RAB38: variants seen among roughly 807,000 people sequenced by gnomAD.
RAB38 encodes ras-related protein Rab-38.
A neutral mutation model predicts 18.4 loss-of-function variants in RAB38; 15 were observed. That is an observed-to-expected ratio of 0.82 (90% CI 0.55 to 1.26). The LOEUF (loss-of-function observed/expected upper bound fraction) is 1.26. RAB38 is among the 50% of genes most tolerant of loss of function. The pLI, the probability that RAB38 is intolerant of heterozygous loss-of-function variation, is 0.00. For missense variants in RAB38, 294 were observed against 267.4 expected (o/e 1.10, Z -0.69); for synonymous variants, 101 against 104.4 (o/e 0.97, Z 0.20).
the RAB38 span, among the ~76,000 whole-genome samples, chr11:87,874,147 AT>A: frequency 1.3e-5 from 2 of 150,918 alleles, no homozygotes; most frequent in African/African-American, 4.9e-5. Context: ...TCATAGAGAA[AT>A]TTTTTTATGT....
At chr11:88,026,530 T>C in the RAB38 span, among the ~76,000 whole-genome samples, 1 of 120,978 alleles carries the variant, frequency 8.3e-6, no homozygotes, top group Non-Finnish European at 1.6e-5. Context: ...TCCACTGCAC[T>C]CCAGCCTGGG....
At chr11:87,971,005 A>G in the RAB38 span, among the ~76,000 whole-genome samples, 4 of 152,230 alleles carry the variant, frequency 2.6e-5, no homozygotes, top group South Asian at 8.3e-4. Flanking sequence ...GAGGATAGGA[A>G]GTCATGACTG....
the RAB38 span, among the ~76,000 whole-genome samples, chr11:88,027,845 G>A: frequency 6.6e-6 from 1 of 152,064 alleles, no homozygotes; most frequent in Non-Finnish European, 1.5e-5. Context: ...AGACTTAAAT[G>A]TCCCTGTCTG....
At chr11:87,847,298 T>A in the RAB38 span, among the ~76,000 whole-genome samples, 17 of 152,168 alleles carry the variant, frequency 1.1e-4, no homozygotes, top group Middle Eastern at 3.5e-3. Context: ...GTATCAGTAA[T>A]GAATGCTTAA....
At chr11:88,015,490 A>G in the RAB38 span, among the ~76,000 whole-genome samples, 1 of 152,162 alleles carries the variant, frequency 6.6e-6, no homozygotes, top group Non-Finnish European at 1.5e-5. Context: ...TAAAGCACCT[A>G]TCACATAATA....
intron 2 of RAB38, among the ~76,000 whole-genome samples, chr11:88,126,704 A>AAT (rs1942699595): frequency 2.8e-4 from 1 of 3,582 alleles, no homozygotes; most frequent in Non-Finnish European, 1.1e-3. Context: ...GTATAATAAT[A>AAT]AAAAAAAAAA....
At chr11:88,120,776 G>C (rs960497431) in intron 2 of RAB38, among the ~76,000 whole-genome samples, 1 of 151,984 alleles carries the variant, frequency 6.6e-6, no homozygotes, top group Non-Finnish European at 1.5e-5. Context: ...TGTAGCTCTA[G>C]AGCCTTATAC....
chr11:88,086,557 T>C, the RAB38 span, among the ~76,000 whole-genome samples: 1 of 151,944 alleles, frequency 6.6e-6, no homozygotes, highest in East Asian at 1.9e-4. Flanking sequence ...CATTGAACCT[T>C]TTCAAAGAGC....
the RAB38 span, among the ~76,000 whole-genome samples, chr11:88,085,113 G>A: frequency 4.8e-3 from 736 of 151,962 alleles, 4 homozygotes; most frequent in African/African-American, 0.017. Context: ...ACTAGAACCT[G>A]GAGAAACAAA....
the RAB38 span, chr11:87,815,779 G>T: frequency 6.6e-6 from 1 of 152,238 alleles, no homozygotes; most frequent in Non-Finnish European, 1.5e-5. Flanking sequence ...TATGAATGTG[G>T]TTCCTATAGT....
the RAB38 span, among the ~76,000 whole-genome samples, chr11:87,877,226 A>C: frequency 6.6e-6 from 1 of 151,616 alleles, no homozygotes; most frequent in Admixed American, 6.6e-5. Flanking sequence ...CATAGTGGAA[A>C]GGGCCTAGAA....
intron 1 of RAB38, chr11:88,173,447 ATCCAG>A: frequency 2.6e-5 from 22 of 831,608 alleles, no homozygotes; most frequent in Non-Finnish European, 3.0e-5. Flanking sequence ...TAAAGTAAGG[ATCCAG>A]ATGGAGGCAG....
At chr11:88,102,241 T>C in the RAB38 span, among the ~76,000 whole-genome samples, 27 of 152,054 alleles carry the variant, frequency 1.8e-4, no homozygotes, top group Non-Finnish European at 3.1e-4. Flanking sequence ...ATAGCTTCAA[T>C]AGGATATAAT....
the RAB38 span, among the ~76,000 whole-genome samples, chr11:87,897,237 T>C: frequency 6.6e-6 from 1 of 151,602 alleles, no homozygotes; most frequent in Non-Finnish European, 1.5e-5. Flanking sequence ...AAATCATGAA[T>C]CAGCCAGTAT....
the RAB38 span, among the ~76,000 whole-genome samples, chr11:87,943,429 T>G: frequency 1.3e-5 from 2 of 152,162 alleles, no homozygotes; most frequent in African/African-American, 4.8e-5. Context: ...GGTATCATCC[T>G]CAGGTTACCA....
the RAB38 span, among the ~76,000 whole-genome samples, chr11:87,976,329 A>G: frequency 7.0e-6 from 1 of 142,974 alleles, no homozygotes; most frequent in South Asian, 2.1e-4. Flanking sequence ...AGAGTTTTTT[A>G]TATGTAGGTA....
At chr11:87,952,673 G>A in the RAB38 span, among the ~76,000 whole-genome samples, 2 of 152,284 alleles carry the variant, frequency 1.3e-5, no homozygotes, top group South Asian at 2.1e-4. Flanking sequence ...TTTCGGACAT[G>A]GTCACTATGT....
chr11:88,171,037 G>C (rs1943306450), intron 1 of RAB38, among the ~76,000 whole-genome samples: 1 of 152,088 alleles, frequency 6.6e-6, no homozygotes, highest in Non-Finnish European at 1.5e-5. Context: ...AGGACTATCT[G>C]CTTGTCTACA....
chr11:87,905,649 T>G, the RAB38 span, among the ~76,000 whole-genome samples: 1 of 151,930 alleles, frequency 6.6e-6, no homozygotes, highest in Non-Finnish European at 1.5e-5. Context: ...TCTGGCTGGT[T>G]GGAACTCAGA....
Sources: gnomAD v4.1 joint callset for allele counts (sites outside exome capture counted in the v4.1 genomes callset) on GRCh38, gnomAD v4.1.1 for gene constraint, MANE v1.5 for transcripts, NCBI Gene and HGNC (gene_info 2026-07-23, HGNC 2026-07-21) for gene names.